Variants in PRUNE2 observed in about 807,000 individuals in gnomAD.
PRUNE2 encodes protein prune homolog 2.
A neutral mutation model predicts 252.0 loss-of-function variants in PRUNE2; 164 were observed. The observed-to-expected ratio is 0.65, with a 90% CI of 0.57 to 0.74. The LOEUF is 0.74. Ranked by LOEUF, PRUNE2 falls within the 30% of genes least tolerant of loss-of-function variation. PRUNE2 has a pLI of 0.00. For missense variants in PRUNE2, 3,495 were observed against 3,711.0 expected, an observed-to-expected ratio of 0.94 and a Z score of 1.51; for synonymous variants, 1,292 against 1,350.2, an observed-to-expected ratio of 0.96 and a Z score of 0.94.
intron 4 of PRUNE2, among the ~76,000 whole-genome samples, chr9:76,840,279 T>C (rs746039503): frequency 2.0e-5 from 3 of 152,150 alleles, no homozygotes; most frequent in African/African-American, 4.8e-5. Flanking sequence ...AGGAACACAT[T>C]GAAAGTGACC....
In PRUNE2 at chr9:76,611,606, T is replaced by C. The variant is rs1251820703; in HGVS notation, c.*2964A>G. 1 of 152,608 alleles carries C rather than the reference T, an allele frequency of 6.6e-6. No homozygotes were observed. The highest frequency in any genetic ancestry group is 1.5e-5 in the Non-Finnish European group (1 of 68,040). 9.5% of individuals were successfully genotyped at this position (152,608 alleles called of 1,614,324 possible). On this transcript the variant is annotated 3_prime_UTR_variant, in exon 19 of 19. Transcript: ENST00000376718. ...TCTAAGGGAACAAACTACTGAGGCA[T>C]TGTGATAAGACGAGAGTTGCAAACA...
chr9:76,682,407 G>C (rs1328751859), intron 9 of PRUNE2, among the ~76,000 whole-genome samples: 1 of 148,946 alleles, frequency 6.7e-6, no homozygotes, highest in East Asian at 2.0e-4. Flanking sequence ...TGTTGCCCAG[G>C]CTAGAGTGCA....
chr9:76,814,530 T>C (rs1564361615), intron 6 of PRUNE2, among the ~76,000 whole-genome samples: 1 of 152,200 alleles, frequency 6.6e-6, no homozygotes. Flanking sequence ...TAATGATATG[T>C]GGTTTTAAGC....
At chr9:76,905,600 C>A (rs184851442) in intron 1 of PRUNE2, among the ~76,000 whole-genome samples, 4 of 152,290 alleles carry the variant, frequency 2.6e-5, no homozygotes, top group Non-Finnish European at 5.9e-5. Context: ...CTCTTTATCT[C>A]AAGGAAGACC....
In PRUNE2 at chr9:76,613,502, T is replaced by C. The variant is rs1828087540; in HGVS notation, c.*1068A>G. On this transcript the variant is annotated 3_prime_UTR_variant, in exon 19 of 19. Transcript: ENST00000376718. ...CAAAAAAAATTTTTCCAACCCAAAATGTAAAAACCATTCTTAGCTTGCAGT... is the reference window on the plus strand; with the variant it reads ...CAAAAAAAATTTTTCCAACCCAAAACGTAAAAACCATTCTTAGCTTGCAGT... The C allele has an allele frequency of 6.6e-6, 1 of 152,214 alleles. No homozygotes were observed. The highest frequency in any genetic ancestry group is 2.4e-5 in the African/African-American group (1 of 41,450). 9.4% of individuals were successfully genotyped at this position (152,214 alleles called of 1,614,324 possible).
chr9:76,709,304 A>T lies in PRUNE2; in HGVS notation c.2970T>A (p.Phe990Leu). The T allele has an allele frequency of 6.2e-7, 1 of 1,614,006 alleles. No homozygotes were observed. The highest frequency in any genetic ancestry group is 1.6e-4 in the Middle Eastern group (1 of 6,062). The change falls in exon 8 of 19, where the codon TTT (phenylalanine) becomes TTA (leucine). Residue 990 changes from phenylalanine (F) to leucine (L), a missense_variant. Physicochemically the swap from Phe to Leu is conservative, Grantham distance 22. Transcript: ENST00000376718. ...TTGACTCAAAACCTTCCTCTTTAGCAAATGGCTTGTGTTCAGTTTCCTTTT... is the reference window on the plus strand; with the variant it reads ...TTGACTCAAAACCTTCCTCTTTAGCTAATGGCTTGTGTTCAGTTTCCTTTT... ...GDEKETEHKP[F>L]AKEEGFESKD...
intron 12 of PRUNE2, among the ~76,000 whole-genome samples, chr9:76,644,027 C>A (rs770567762): frequency 6.6e-6 from 1 of 152,094 alleles, no homozygotes; most frequent in Non-Finnish European, 1.5e-5. Context: ...AAAATGCTGT[C>A]GAGGTTTTCT....
chr9:76,747,389 T>A (rs2050218241), intron 6 of PRUNE2, among the ~76,000 whole-genome samples: 1 of 152,226 alleles, frequency 6.6e-6, no homozygotes, highest in Non-Finnish European at 1.5e-5. Flanking sequence ...TGTTGAGCCT[T>A]CAATGTGCCA....
chr9:76,795,547 C>CA (rs1283198887), intron 6 of PRUNE2, among the ~76,000 whole-genome samples: 1 of 151,954 alleles, frequency 6.6e-6, no homozygotes, highest in Non-Finnish European at 1.5e-5. Context: ...CTAATAGCCC[C>CA]TGGGGGGGAG....
rs10521475 is a variant in PRUNE2 at position 76,652,956 on chromosome 9, C to A, written c.8357-273G>T. 0.063 allele frequency among the ~76,000 whole-genome samples: 9,511 copies of A among 152,136 alleles called. 716 individuals are homozygous for A. The highest frequency in any genetic ancestry group is 0.17 in the African/African-American group (7,191 of 41,458). ...TTAAGTAAGGGATACTTAACCTATA[C>A]GTGGCTGCCAAGAGTGGGTTTGGGC... On this transcript the variant is annotated intron_variant, in intron 10 of 18. Coordinates refer to ENST00000376718, the MANE Select transcript of PRUNE2 (RefSeq NM_015225.3).
Position 76,638,192 on chromosome 9 carries a change from A to G in PRUNE2, c.8825T>C (p.Leu2942Pro). The G allele has an allele frequency of 1.2e-6, 2 of 1,609,558 alleles. No homozygotes were observed. Among genetic ancestry groups the G allele is most frequent in the Non-Finnish European group, 8.5e-7 (1 of 1,176,030 alleles). Residue 2942 changes from leucine (L) to proline (P), a missense_variant, in exon 13 of 19, where the codon CTT becomes CCT. Coordinates refer to ENST00000376718, the MANE Select transcript of PRUNE2 (RefSeq NM_015225.3). Reference sequence around the variant, plus strand: ...TGTCATAAGTATCACTCACAGGAAAAGATTTTCCATGACATAGTGGTAATC... The same window carrying G: ...TGTCATAAGTATCACTCACAGGAAAGGATTTTCCATGACATAGTGGTAATC... ...RADYHYVMEN[L>P]FLYVISTLEL...
chr9:76,833,714 G>A (rs998702276), intron 4 of PRUNE2, among the ~76,000 whole-genome samples: 5 of 151,104 alleles, frequency 3.3e-5, no homozygotes, highest in Admixed American at 1.3e-4. Flanking sequence ...GCAGTGAGCC[G>A]AGATTGCGCC....
intron 6 of PRUNE2, among the ~76,000 whole-genome samples, chr9:76,817,499 G>A (rs1002027661): frequency 2.6e-5 from 4 of 152,106 alleles, no homozygotes; most frequent in African/African-American, 7.2e-5. Context: ...TGAAATATGA[G>A]CAGAAGTGAT....
chr9:76,864,801 C>A lies in PRUNE2; in HGVS notation c.37-10593G>T, dbSNP rs1319728975. 7.9e-5 allele frequency among the ~76,000 whole-genome samples: 12 copies of A among 152,132 alleles called. No homozygotes were observed. The East Asian group carries it at 1.9e-3, about 24-fold the overall frequency. ...AGTCTCATTAGTAGTCATGGAAATG[C>A]AAATTAGACCAACAATAAAATGTCT... On this transcript the variant is annotated intron_variant, in intron 1 of 18. Transcript: ENST00000376718.
intron 6 of PRUNE2, among the ~76,000 whole-genome samples, chr9:76,791,034 T>C (rs981825359): frequency 2.0e-5 from 3 of 152,128 alleles, no homozygotes; most frequent in Non-Finnish European, 4.4e-5. Flanking sequence ...ATAGTCAAAC[T>C]CGTAACAGCA....
At chr9:76,616,783 A>C (rs974892584) in intron 18 of PRUNE2, among the ~76,000 whole-genome samples, 2 of 152,170 alleles carry the variant, frequency 1.3e-5, no homozygotes, top group African/African-American at 2.4e-5. Flanking sequence ...TGGAGTTAAC[A>C]AAGCTATTAA....
intron 6 of PRUNE2, chr9:76,819,634 T>C (rs748384839): frequency 3.3e-5 from 5 of 152,230 alleles, no homozygotes; most frequent in Admixed American, 3.3e-4. Context: ...GAATAAATCA[T>C]ACTGCAATTG....
At chr9:76,670,794 T>C (rs1234675265) in intron 9 of PRUNE2, among the ~76,000 whole-genome samples, 2 of 151,712 alleles carry the variant, frequency 1.3e-5, no homozygotes, top group African/African-American at 4.8e-5. Context: ...AGGGGCACAC[T>C]GACACCTCAC....
intron 6 of PRUNE2, chr9:76,739,506 C>T (rs2049378670): frequency 6.6e-6 from 1 of 151,834 alleles, no homozygotes; most frequent in African/African-American, 2.4e-5. Context: ...TACCAGAAAT[C>T]CCTGGAACCA....
Sources: allele counts gnomAD v4.1 joint callset (sites outside exome capture counted in the v4.1 genomes callset), GRCh38; gene constraint gnomAD v4.1.1; transcripts MANE v1.5; gene names NCBI Gene and HGNC (gene_info 2026-07-23, HGNC 2026-07-21).